The following HTR4 variants were observed in gnomAD, a reference collection of about 807,000 sequenced individuals.
HTR4 encodes the protein 5-hydroxytryptamine receptor 4, also known as 5-hydroxytryptamine (serotonin) receptor 4, G protein-coupled.
In HTR4, 16 loss-of-function variants were observed where a neutral mutation model predicts 36.8. The observed-to-expected ratio is 0.43, with a 90% CI of 0.29 to 0.66. The LOEUF (loss-of-function observed/expected upper bound fraction) is 0.66, where lower values mean the gene tolerates loss of function less well. HTR4 is among the 30% of genes least tolerant of loss of function. The pLI, the probability that HTR4 is intolerant of heterozygous loss-of-function variation, is 0.13. For synonymous variants in HTR4, 189 were observed against 185.1 expected, an observed-to-expected ratio of 1.02 and a Z score of -0.17; for missense variants, 438 against 490.9, an observed-to-expected ratio of 0.89 and a Z score of 1.02.
intron 6 of HTR4, among the ~76,000 whole-genome samples, chr5:148,506,099 C>T (rs1757191705): frequency 6.6e-6 from 1 of 152,192 alleles, no homozygotes; most frequent in African/African-American, 2.4e-5. Flanking sequence ...AAGCTGGAGG[C>T]ATCATGCTAC....
At chr5:148,541,991 G>A (rs542699828) in intron 4 of HTR4, among the ~76,000 whole-genome samples, 4 of 151,596 alleles carry the variant, frequency 2.6e-5, no homozygotes, top group African/African-American at 9.7e-5. Flanking sequence ...AGTATTCAAT[G>A]GTCACCAATT....
At chr5:148,500,799 A>C (rs991651011) in intron 6 of HTR4, among the ~76,000 whole-genome samples, 36 of 152,324 alleles carry the variant, frequency 2.4e-4, no homozygotes, top group African/African-American at 8.4e-4. Context: ...AAATTAAATG[A>C]TACAGCAATT....
chr5:148,465,965 G>A (rs201808494), intron 5 of HTR4: 49 of 1,588,536 alleles, frequency 3.1e-5, no homozygotes, highest in Non-Finnish European at 4.0e-5. Context: ...ATGAGGGAGA[G>A]CCAAGCAGAA....
chr5:148,644,422 GTTTTTTTTTTTTTTTTTTT>G (rs1175588280), intron 1 of HTR4, among the ~76,000 whole-genome samples: 14 of 40,584 alleles, frequency 3.4e-4, no homozygotes, highest in African/African-American at 1.5e-3. Context: ...AAGCTCACAA[GTTTTTTTTTTTTTTTTTTT>G]TTTTTTTTTT....
At chr5:148,556,264 T>A (rs542612404) in intron 2 of HTR4, among the ~76,000 whole-genome samples, 1 of 152,360 alleles carries the variant, frequency 6.6e-6, no homozygotes, top group African/African-American at 2.4e-5. Flanking sequence ...CCTCAGGTGA[T>A]CTGCCCGCCT....
intron 2 of HTR4, among the ~76,000 whole-genome samples, chr5:148,557,197 C>T (rs1456866136): frequency 6.6e-6 from 1 of 151,894 alleles, no homozygotes; most frequent in Non-Finnish European, 1.5e-5. Flanking sequence ...GATAATATGC[C>T]AGGGGTTTCT....
At chr5:148,587,695 G>C (rs1761397567) in intron 2 of HTR4, among the ~76,000 whole-genome samples, 1 of 152,110 alleles carries the variant, frequency 6.6e-6, no homozygotes, top group African/African-American at 2.4e-5. Flanking sequence ...TTTCCAAGCA[G>C]GGTGTGTGGG....
chr5:148,639,672 G>C (rs1157832527), intron 1 of HTR4, among the ~76,000 whole-genome samples: 6 of 129,396 alleles, frequency 4.6e-5, no homozygotes, highest in Non-Finnish European at 9.6e-5. Context: ...TTTGTGATCT[G>C]TCTTGCTCAC....
chr5:148,576,120 A>AAAAAAAAC lies in HTR4; in HGVS notation c.27-25859_27-25858insGTTTTTTT, dbSNP rs1561629169. Among the ~76,000 whole-genome samples the AAAAAAAAC allele has an allele frequency of 2.2e-4, 29 of 130,782 alleles. 1 individual carries two copies. The highest frequency in any genetic ancestry group is 7.1e-4 in the African/African-American group (25 of 35,010). The allele number at this position is 130,782 out of a possible 152,430, so 85.8% of individuals were successfully genotyped here. ...AGCGAGACTCCGTCTCAAAAAAAAA[A>AAAAAAAAC]AAAAAAAAAAAAACAAAATCAATGT... On this transcript the variant is annotated intron_variant, in intron 2 of 6. Coordinates refer to ENST00000377888, the MANE Select transcript of HTR4 (RefSeq NM_000870.7).
intron 2 of HTR4, among the ~76,000 whole-genome samples, chr5:148,566,485 G>A (rs2113873968): frequency 6.6e-6 from 1 of 152,238 alleles, no homozygotes; most frequent in South Asian, 2.1e-4. Context: ...CTGTGGACGT[G>A]GTGGTGACCA....
At chr5:148,614,836 A>G (rs1752595588) in intron 2 of HTR4, among the ~76,000 whole-genome samples, 1 of 152,240 alleles carries the variant, frequency 6.6e-6, no homozygotes, top group Admixed American at 6.5e-5. Flanking sequence ...AATTTACAAG[A>G]AAAAGCAAAC....
At chr5:148,638,034 C>A (rs112063676) in intron 1 of HTR4, among the ~76,000 whole-genome samples, 1 of 114,350 alleles carries the variant, frequency 8.7e-6, no homozygotes, top group African/African-American at 3.8e-5. Flanking sequence ...CAAGAAGAAC[C>A]TGGAAATCTG....
chr5:148,644,578 G>T (rs2127315247), intron 1 of HTR4: 1 of 152,098 alleles, frequency 6.6e-6, no homozygotes, highest in Non-Finnish European at 1.5e-5. Context: ...ATAAAAAATG[G>T]AATAAGACAC....
At chr5:148,529,705 A>T (rs1197631519) in intron 4 of HTR4, among the ~76,000 whole-genome samples, 1 of 152,256 alleles carries the variant, frequency 6.6e-6, no homozygotes, top group Non-Finnish European at 1.5e-5. Context: ...GGAACTGAGT[A>T]ACAGGCAGAG....
intron 4 of HTR4, among the ~76,000 whole-genome samples, chr5:148,524,990 C>T (rs17706602): frequency 0.017 from 2,563 of 152,218 alleles, 36 homozygotes; most frequent in Middle Eastern, 0.041. Flanking sequence ...GAGCAGCTGA[C>T]GACATTGTGC....
chr5:148,639,176 AC>A, intron 1 of HTR4, among the ~76,000 whole-genome samples: 1 of 152,232 alleles, frequency 6.6e-6, no homozygotes. Flanking sequence ...TTACTCACCC[AC>A]ACCCCCAATC....
At chr5:148,520,920 A>G (rs1254861309) in intron 5 of HTR4, 2 of 1,367,678 alleles carry the variant, frequency 1.5e-6, no homozygotes, top group Non-Finnish European at 2.0e-6. Flanking sequence ...GTTCTGACAT[A>G]CCGCATGAAA....
In HTR4 at chr5:148,654,299, G is replaced by T. The variant is rs1410362583; in HGVS notation, c.-285C>A. On this transcript the variant is annotated 5_prime_UTR_variant, in exon 1 of 7. Transcript: ENST00000377888. ...GCCCCGGATCACCTGGGCTCGCCGC[G>T]CATCGTCCTTCTCCCCAACCGAGCC... is the stretch of plus-strand genomic sequence containing the variant. 3 of 984,564 alleles carry T rather than the reference G, an allele frequency of 3.0e-6. No homozygotes were observed. Among genetic ancestry groups the T allele is most frequent in the Non-Finnish European group, 2.4e-6 (2 of 829,314 alleles). The allele number at this position is 984,564 out of a possible 1,614,324, so 61.0% of individuals were successfully genotyped here. A position where few individuals can be genotyped will look rare whatever the true frequency, so the allele number is the denominator to read the frequency against.
At chr5:148,596,603 G>A (rs1345247942) in intron 2 of HTR4, among the ~76,000 whole-genome samples, 1 of 151,818 alleles carries the variant, frequency 6.6e-6, no homozygotes, top group Admixed American at 6.6e-5. Context: ...ACCATTAAAT[G>A]TCAGAAGCAT....
Sources: allele counts gnomAD v4.1 joint callset (sites outside exome capture counted in the v4.1 genomes callset), GRCh38; gene constraint gnomAD v4.1.1; transcripts MANE v1.5; gene names NCBI Gene and HGNC (gene_info 2026-07-23, HGNC 2026-07-21).